The following CAMK4 variants were observed in gnomAD, a reference collection of about 807,000 sequenced individuals.
CAMK4 encodes calcium/calmodulin dependent protein kinase IV.
A neutral mutation model predicts 44.9 loss-of-function variants in CAMK4; 22 were observed. The observed-to-expected ratio is 0.49, with a 90% CI of 0.35 to 0.70. The LOEUF (loss-of-function observed/expected upper bound fraction) is 0.70. CAMK4 is among the 30% of genes least tolerant of loss of function. CAMK4 has a pLI of 0.01. For missense variants in CAMK4, 498 were observed against 586.8 expected (o/e 0.85, Z 1.56); for synonymous variants, 218 against 215.4 (o/e 1.01, Z -0.11).
At chr5:111,323,174 A>G (rs1748734048) in intron 1 of CAMK4, among the ~76,000 whole-genome samples, 1 of 152,252 alleles carries the variant, frequency 6.6e-6, no homozygotes, top group African/African-American at 2.4e-5. Context: ...TGGTAAATGC[A>G]AAGAGAACCA....
At chr5:111,450,395 A>G (rs191020248) in intron 7 of CAMK4, among the ~76,000 whole-genome samples, 128 of 151,828 alleles carry the variant, frequency 8.4e-4, no homozygotes, top group African/African-American at 3.0e-3. Context: ...CTCTTCAGTG[A>G]ACTGTTAATC....
At chr5:111,308,110 G>C (rs1454996788) in intron 1 of CAMK4, among the ~76,000 whole-genome samples, 1 of 116,398 alleles carries the variant, frequency 8.6e-6, no homozygotes, top group Admixed American at 8.8e-5. Context: ...TGGGGTCGGG[G>C]GAGGGGGGAG....
intron 9 of CAMK4, among the ~76,000 whole-genome samples, chr5:111,480,337 T>C (rs2112499026): frequency 1.3e-5 from 2 of 150,560 alleles, no homozygotes; most frequent in African/African-American, 2.5e-5. Flanking sequence ...TAGATATCCC[T>C]TGGGAGGCAT....
At chr5:111,371,348 T>C (rs1211207056) in intron 2 of CAMK4, among the ~76,000 whole-genome samples, 3 of 152,186 alleles carry the variant, frequency 2.0e-5, no homozygotes, top group Non-Finnish European at 4.4e-5. Context: ...TGTTTTAATA[T>C]TAGCAGCAGT....
rs1044172397 is a variant in CAMK4, at chr5:111,491,833, T to G, written c.*7367T>G. On this transcript the variant is annotated 3_prime_UTR_variant, in exon 11 of 11. Transcript: ENST00000282356. ...ATCTCTCATAATATTCTGAAGTAATTTATATCAATTGAATTTTCATTAATC... is the reference window on the plus strand; with the variant it reads ...ATCTCTCATAATATTCTGAAGTAATGTATATCAATTGAATTTTCATTAATC... 2.0e-5 allele frequency: 3 copies of G among 152,202 alleles called. No homozygotes were observed. The highest frequency in any genetic ancestry group is 4.4e-5 in the Non-Finnish European group (3 of 68,034). The allele number at this position is 152,202 out of a possible 1,614,324, so 9.4% of individuals were successfully genotyped here.
At chr5:111,410,448 G>A (rs1752592520) in intron 5 of CAMK4, among the ~76,000 whole-genome samples, 1 of 152,114 alleles carries the variant, frequency 6.6e-6, no homozygotes, top group African/African-American at 2.4e-5. Context: ...ACAGTTTAAG[G>A]TGAGATTTGG....
intron 4 of CAMK4, among the ~76,000 whole-genome samples, chr5:111,394,022 C>T (rs1297277128): frequency 6.7e-6 from 1 of 149,138 alleles, no homozygotes; most frequent in African/African-American, 2.5e-5. Context: ...AGAGGGTTGG[C>T]GGGGGGAAGA....
In CAMK4 at chr5:111,246,108, G is replaced by T. The variant is rs545436398; in HGVS notation, c.161+21464G>T. ...TTATGTGTGGACGTGTTTTTCTGAA[G>T]CAAGTCACCACAGCTTTCATCGAAT... On this transcript the variant is annotated intron_variant, in intron 1 of 10. Coordinates refer to ENST00000282356, the MANE Select transcript of CAMK4 (RefSeq NM_001744.6). Among the ~76,000 whole-genome samples, 164 of 152,276 alleles carry T rather than the reference G, an allele frequency of 1.1e-3. 1 individual carries two copies. The highest frequency in any genetic ancestry group is 6.8e-3 in the Middle Eastern group (2 of 294).
chr5:111,294,672 C>G (rs1475876719), intron 1 of CAMK4, among the ~76,000 whole-genome samples: 1 of 149,106 alleles, frequency 6.7e-6, no homozygotes, highest in Non-Finnish European at 1.5e-5. Flanking sequence ...TTGCTTATTT[C>G]TATTTTTTTT....
intron 5 of CAMK4, among the ~76,000 whole-genome samples, chr5:111,425,011 A>G (rs10054710): frequency 0.011 from 1,643 of 152,080 alleles, 12 homozygotes; most frequent in Non-Finnish European, 0.017. Flanking sequence ...TGAAAATACA[A>G]AAATTAGCTG....
chr5:111,377,077 TAAG>T (rs1751240710), intron 4 of CAMK4, 135 bp downstream of exon 4: 2 of 555,036 alleles, frequency 3.6e-6, no homozygotes, highest in Non-Finnish European at 6.3e-6. Flanking sequence ...AAAAAAGTCT[TAAG>T]AAGAATGTTG....
intron 1 of CAMK4, among the ~76,000 whole-genome samples, chr5:111,233,907 C>T (rs971770286): frequency 2.6e-5 from 4 of 151,932 alleles, no homozygotes; most frequent in Admixed American, 6.6e-5. Flanking sequence ...GTGGGATGCC[C>T]GTAGCCAGGG....
chr5:111,484,342 A>T lies in CAMK4; in HGVS notation c.1298A>T (p.Glu433Val). The T allele has an allele frequency of 6.2e-7, 1 of 1,613,612 alleles. No homozygotes were observed. Among genetic ancestry groups the T allele is most frequent in the South Asian group, 1.1e-5 (1 of 90,974 alleles). Residue 433 changes from glutamate (E) to valine (V), a missense_variant, in exon 11 of 11, where the codon GAG becomes GTG. Glu to Val is a moderately radical substitution (Grantham distance 121, BLOSUM62 -2). Around this residue, in one of 3 missense-constraint regions of CAMK4, gnomAD observed 143 missense variants for 144.9 expected, o/e 0.99. Coordinates refer to ENST00000282356, the MANE Select transcript of CAMK4 (RefSeq NM_001744.6). The surrounding 1 kb of genome is among the most constrained non-coding windows in gnomAD (Gnocchi z 5.3). ...ATAAAGGTGGCTGACCTGGAACTAGAGGAGGGCCTAGCAGAGGAGAAGCTG... is the reference window on the plus strand; with the variant it reads ...ATAAAGGTGGCTGACCTGGAACTAGTGGAGGGCCTAGCAGAGGAGAAGCTG... ...DGIKVADLEL[E>V]EGLAEEKLKT...
intron 1 of CAMK4, among the ~76,000 whole-genome samples, chr5:111,335,734 G>T (rs1234215961): frequency 1.3e-5 from 2 of 151,186 alleles, no homozygotes; most frequent in Non-Finnish European, 1.5e-5. Context: ...GGCATGCAGT[G>T]CCAGGTATCA....
intron 2 of CAMK4, among the ~76,000 whole-genome samples, chr5:111,346,563 C>T (rs910794226): frequency 6.6e-6 from 1 of 151,508 alleles, no homozygotes. Flanking sequence ...AGAGCTGGTC[C>T]AATAAACTAC....
chr5:111,385,319 C>T (rs1049123599), intron 4 of CAMK4, among the ~76,000 whole-genome samples: 4 of 151,930 alleles, frequency 2.6e-5, no homozygotes, highest in Admixed American at 6.6e-5. Flanking sequence ...TCAGAAATTG[C>T]TTCAGGAAGG....
chr5:111,465,625 G>A (rs1754800918), intron 7 of CAMK4, among the ~76,000 whole-genome samples: 1 of 152,048 alleles, frequency 6.6e-6, no homozygotes, highest in South Asian at 2.1e-4. Flanking sequence ...TAAATTCCTG[G>A]AAATATACCA....
intron 1 of CAMK4, among the ~76,000 whole-genome samples, chr5:111,234,311 T>C (rs1748616588): frequency 6.6e-6 from 1 of 152,158 alleles, no homozygotes. Flanking sequence ...GTTATGCATC[T>C]CAAGACTACT....
chr5:111,405,283 C>T (rs146184483), intron 5 of CAMK4, among the ~76,000 whole-genome samples: 306 of 152,286 alleles, frequency 2.0e-3, no homozygotes, highest in African/African-American at 7.1e-3. Context: ...TCCTGGCCAA[C>T]GTGGTGAAAC....
Sources: allele counts gnomAD v4.1 joint callset (sites outside exome capture counted in the v4.1 genomes callset), GRCh38; gene constraint gnomAD v4.1.1; regional missense constraint gnomAD v4.1.1; non-coding constraint Gnocchi (gnomAD v3.1); transcripts MANE v1.5; gene names NCBI Gene and HGNC (gene_info 2026-07-23, HGNC 2026-07-21).